The following STPG1 variants were observed in gnomAD, a reference collection of about 807,000 sequenced individuals.
The protein encoded by STPG1 is sperm tail PG-rich repeat containing 1.
A neutral mutation model predicts 40.1 loss-of-function variants in STPG1; 33 were observed. That is an observed-to-expected ratio of 0.82 (90% CI 0.62 to 1.10). The LOEUF (loss-of-function observed/expected upper bound fraction) is 1.10. Among genes scored for constraint, STPG1 ranks in the 50% least tolerant of loss-of-function variants. The pLI, the probability that STPG1 is intolerant of heterozygous loss-of-function variation, is 0.00. For missense variants in STPG1, 396 were observed against 415.1 expected, an observed-to-expected ratio of 0.95 and a Z score of 0.40; for synonymous variants, 150 against 155.0, an observed-to-expected ratio of 0.97 and a Z score of 0.24.
intron 4 of STPG1, among the ~76,000 whole-genome samples, chr1:24,380,705 C>T (rs1642245370): frequency 6.6e-6 from 1 of 152,104 alleles, no homozygotes; most frequent in South Asian, 2.1e-4. Flanking sequence ...TTTATGGACC[C>T]CCACTAGCAT....
intron 6 of STPG1, among the ~76,000 whole-genome samples, chr1:24,372,892 CTAATA>C (rs1398017878): frequency 6.6e-6 from 1 of 152,072 alleles, no homozygotes; most frequent in Admixed American, 6.6e-5. Flanking sequence ...TTGGGATAAT[CTAATA>C]TAATAAGTGC....
At chr1:24,407,140 G>C (rs557859714) in intron 1 of STPG1, among the ~76,000 whole-genome samples, 295 of 152,012 alleles carry the variant, frequency 1.9e-3, no homozygotes, top group African/African-American at 6.7e-3. Context: ...TATTCTATGT[G>C]CCTCTCAGCA....
chr1:24,403,034 G>A (rs1456423799), intron 1 of STPG1, among the ~76,000 whole-genome samples: 2 of 152,126 alleles, frequency 1.3e-5, no homozygotes, highest in Admixed American at 1.3e-4. Context: ...CTAACTCAAG[G>A]TCACAAATAT....
In STPG1 at chr1:24,357,939, T is replaced by A. The variant is rs1349557156; in HGVS notation, c.*604A>T. 1 of 332,880 alleles carries A rather than the reference T, an allele frequency of 3.0e-6. No individual in the cohort carries two copies. The highest frequency in any genetic ancestry group is 2.2e-5 in the African/African-American group (1 of 46,444). The allele number at this position is 332,880 out of a possible 1,614,324, so 20.6% of individuals were successfully genotyped here. A position where few individuals can be genotyped will look rare whatever the true frequency, so the allele number is the denominator to read the frequency against. Reference sequence around the variant, plus strand: ...CTCCCACTCCAAAGAGAAAAAGGTCTAAAAGGAGTAAAGAGAGGTCTTTCC... The same window carrying A: ...CTCCCACTCCAAAGAGAAAAAGGTCAAAAAGGAGTAAAGAGAGGTCTTTCC... On this transcript the variant is annotated 3_prime_UTR_variant, in exon 9 of 9. Transcript: ENST00000337248.
intron 7 of STPG1, among the ~76,000 whole-genome samples, chr1:24,364,945 G>C (rs1641359324): frequency 6.6e-6 from 1 of 152,184 alleles, no homozygotes; most frequent in South Asian, 2.1e-4. Flanking sequence ...GGCCACTTGG[G>C]GAAAGCATCT....
chr1:24,401,695 T>C (rs1044041536), intron 1 of STPG1, among the ~76,000 whole-genome samples: 1 of 152,204 alleles, frequency 6.6e-6, no homozygotes, highest in East Asian at 1.9e-4. Context: ...ATTTTATTTT[T>C]ATTTTTTATT....
chr1:24,374,257 GT>G (rs1553122570), intron 5 of STPG1, among the ~76,000 whole-genome samples: 32 of 62,154 alleles, frequency 5.1e-4, no homozygotes, highest in East Asian at 2.8e-3. Context: ...TTTTTTTTTT[GT>G]TTTTTTTTTT....
intron 7 of STPG1, chr1:24,369,155 G>T (rs989323573): frequency 1.1e-5 from 4 of 358,992 alleles, no homozygotes; most frequent in Non-Finnish European, 2.2e-5. Context: ...AATCCAGCAG[G>T]TATCACCAAC....
chr1:24,395,149 C>T (rs1642941596), intron 2 of STPG1, among the ~76,000 whole-genome samples: 1 of 151,646 alleles, frequency 6.6e-6, no homozygotes, highest in African/African-American at 2.4e-5. Context: ...AAAACAACAC[C>T]TTTAAGGCAA....
chr1:24,357,365 T>G lies in STPG1; in HGVS notation c.*1178A>C, dbSNP rs1453264220. 3 of 152,206 alleles carry G rather than the reference T, an allele frequency of 2.0e-5. No homozygotes were observed. The highest frequency in any genetic ancestry group is 2.9e-5 in the Non-Finnish European group (2 of 68,078). 9.4% of individuals were successfully genotyped at this position (152,206 alleles called of 1,614,324 possible). The stretch of plus-strand genomic sequence containing the variant: ...TCCTGAACTTCCCACCCAGCTCCCC[T>G]CCCAGAGCCAGTTAGGAAGCTGGAA... On this transcript the variant is annotated 3_prime_UTR_variant, in exon 9 of 9. Transcript: ENST00000337248.
chr1:24,373,922 C>T, intron 5 of STPG1, 112 bp from the exon 6 acceptor site: 1 of 754,272 alleles, frequency 1.3e-6, no homozygotes, highest in Non-Finnish European at 2.3e-6. Flanking sequence ...CGAAACCTGT[C>T]CTTCTTAGCA....
chr1:24,406,389 A>G (rs1643417124), intron 1 of STPG1, among the ~76,000 whole-genome samples: 1 of 151,990 alleles, frequency 6.6e-6, no homozygotes, highest in African/African-American at 2.4e-5. Flanking sequence ...TTAATCTCAT[A>G]TTTTTTTAAA....
intron 7 of STPG1, 108 bp downstream of exon 7, chr1:24,369,566 G>T: frequency 1.6e-6 from 2 of 1,218,492 alleles, no homozygotes; most frequent in Admixed American, 2.1e-5. Flanking sequence ...GAAGAGAGTG[G>T]CCCGGCACTG....
At chr1:24,363,708 A>AAGAGAC in intron 7 of STPG1, among the ~76,000 whole-genome samples, 1 of 152,328 alleles carries the variant, frequency 6.6e-6, no homozygotes, top group African/African-American at 2.4e-5. Flanking sequence ...AGCAGAGAGA[A>AAGAGAC]AGAGACAGAG....
At chr1:24,376,936 C>T (rs1642054265) in intron 5 of STPG1, among the ~76,000 whole-genome samples, 1 of 152,116 alleles carries the variant, frequency 6.6e-6, no homozygotes, top group Non-Finnish European at 1.5e-5. Context: ...GTCCATTCAC[C>T]ACACAGCAGC....
chr1:24,413,934 T>C (rs1391090137), upstream of STPG1: 1 of 152,244 alleles, frequency 6.6e-6, no homozygotes, highest in Non-Finnish European at 1.5e-5. Flanking sequence ...AAGAGGTTTA[T>C]CTAGGCCATG....
At chr1:24,403,318 C>T (rs1025359931) in intron 1 of STPG1, among the ~76,000 whole-genome samples, 1 of 152,166 alleles carries the variant, frequency 6.6e-6, no homozygotes, top group African/African-American at 2.4e-5. Context: ...ATTCTCTATT[C>T]TGTTCTTTTG....
In STPG1 at chr1:24,387,407, G is replaced by T. The variant is rs78926193; in HGVS notation, c.190-3404C>A. Among the ~76,000 whole-genome samples the T allele has an allele frequency of 2.9e-3, 440 of 152,238 alleles. 4 individuals are homozygous for T. Among genetic ancestry groups the T allele is most frequent in the African/African-American group, 0.01 (419 of 41,542 alleles). The stretch of plus-strand genomic sequence containing the variant: ...AGGACAGCAATGACCACTGCCCAAG[G>T]AGCTCCTAGGCAGGTGGTGGAGGTA... On this transcript the variant is annotated intron_variant, in intron 3 of 8. Transcript: ENST00000337248.
At chr1:24,407,473 G>GTA (rs1643459210) in intron 1 of STPG1, among the ~76,000 whole-genome samples, 1 of 136,184 alleles carries the variant, frequency 7.3e-6, no homozygotes, top group African/African-American at 2.8e-5. Flanking sequence ...ACGGAGTCCC[G>GTA]CTCTGTCACC....
Sources: allele counts gnomAD v4.1 joint callset (sites outside exome capture counted in the v4.1 genomes callset), GRCh38; gene constraint gnomAD v4.1.1; transcripts MANE v1.5; gene names NCBI Gene and HGNC (gene_info 2026-07-23, HGNC 2026-07-21).